SORBS2: variants seen among roughly 807,000 people sequenced by gnomAD.
The protein encoded by SORBS2 is sorbin and SH3 domain containing 2.
A neutral mutation model predicts 97.7 loss-of-function variants in SORBS2; 46 were observed. That is an observed-to-expected ratio of 0.47 (90% CI 0.37 to 0.60). The LOEUF is 0.60. Among genes scored for constraint, SORBS2 ranks in the 20% least tolerant of loss-of-function variants. SORBS2 has a pLI of 0.00. For synonymous variants in SORBS2, 476 were observed against 473.4 expected (o/e 1.01, Z -0.07); for missense variants, 1,316 against 1,282.3 (o/e 1.03, Z -0.40).
intron 2 of SORBS2, among the ~76,000 whole-genome samples, chr4:185,679,438 T>C (rs1018601590): frequency 6.6e-6 from 1 of 152,210 alleles, no homozygotes; most frequent in African/African-American, 2.4e-5. Flanking sequence ...CTGTGGAAAA[T>C]AAATTTCAGG....
chr4:185,861,133 T>G (rs1316196390), intron 1 of SORBS2, among the ~76,000 whole-genome samples: 2 of 152,114 alleles, frequency 1.3e-5, no homozygotes, highest in African/African-American at 4.8e-5. Context: ...ACAGTCTGTT[T>G]TGTCGGCAGA....
intron 2 of SORBS2, among the ~76,000 whole-genome samples, chr4:185,683,608 T>C (rs1328895959): frequency 1.3e-5 from 2 of 151,256 alleles, no homozygotes; most frequent in Non-Finnish European, 3.0e-5. Flanking sequence ...TGTATAGAGA[T>C]TTTTTTTTAA....
intron 4 of SORBS2, among the ~76,000 whole-genome samples, chr4:185,630,859 T>TG (rs2096895189): frequency 6.6e-6 from 1 of 152,070 alleles, no homozygotes; most frequent in African/African-American, 2.4e-5. Flanking sequence ...AAGCATTGCA[T>TG]GGGGGGAAAT....
intron 1 of SORBS2, among the ~76,000 whole-genome samples, chr4:185,870,596 G>A (rs930087674): frequency 1.3e-5 from 2 of 152,232 alleles, no homozygotes; most frequent in Non-Finnish European, 2.9e-5. Flanking sequence ...CACGTTGGAC[G>A]GATGCTGCGC....
rs569683804 is a variant in SORBS2, at chr4:185,898,981, A to T, written c.-338+57215T>A. Among the ~76,000 whole-genome samples the T allele has an allele frequency of 2.6e-5, 4 of 152,284 alleles. No homozygotes were observed. The South Asian group carries it at 8.3e-4, about 32-fold the overall frequency. On this transcript the variant is annotated intron_variant, in intron 1 of 20. Transcript: ENST00000284776. ...AAACCTATCATGCTTTGGTTCAATG[A>T]GAGATTTTTTTTTTTAAGCTCATAC...
In SORBS2 at chr4:185,611,653, A is replaced by C. The variant is rs941065159; in HGVS notation, c.2796+127T>G. ...CTGATGTGGCACTCACACATGTAGA[A>C]ACATAATATGTAAATCTCTTTCTCT... On this transcript the variant is annotated intron_variant, in intron 12 of 14. Transcript: ENST00000418609. 4 of 695,472 alleles carry C rather than the reference A, an allele frequency of 5.8e-6. No individual in the cohort carries two copies. The African/African-American group carries it at 7.1e-5, about 12-fold the overall frequency. 43.1% of individuals were successfully genotyped at this position (695,472 alleles called of 1,614,324 possible).
intron 1 of SORBS2, among the ~76,000 whole-genome samples, chr4:185,792,960 A>G (rs2099087849): frequency 6.6e-6 from 1 of 152,206 alleles, no homozygotes; most frequent in East Asian, 1.9e-4. Context: ...CTTCTGTAAA[A>G]TGAGAATAAT....
intron 1 of SORBS2, among the ~76,000 whole-genome samples, chr4:185,849,979 C>A (rs570879159): frequency 6.6e-6 from 1 of 152,168 alleles, no homozygotes; most frequent in Non-Finnish European, 1.5e-5. Context: ...TTCTACGTTG[C>A]GTTTTGATCC....
chr4:185,940,472 G>T (rs935146677), intron 1 of SORBS2, among the ~76,000 whole-genome samples: 24 of 152,084 alleles, frequency 1.6e-4, no homozygotes, highest in Non-Finnish European at 3.4e-4. Flanking sequence ...ACCTCTGACT[G>T]CTCCTGTCCA....
At chr4:185,670,320 C>G (rs1250887740) in intron 4 of SORBS2, among the ~76,000 whole-genome samples, 1 of 152,108 alleles carries the variant, frequency 6.6e-6, no homozygotes, top group Non-Finnish European at 1.5e-5. Flanking sequence ...CAAAAAAATT[C>G]TAATGACTTA....
chr4:185,807,463 C>T lies in SORBS2; in HGVS notation c.-337-32097G>A, dbSNP rs115451219. 7.6e-3 allele frequency among the ~76,000 whole-genome samples: 1,161 copies of T among 152,248 alleles called. 22 individuals carry two copies. The highest frequency in any genetic ancestry group is 0.026 in the African/African-American group (1,095 of 41,548). On this transcript the variant is annotated intron_variant, in intron 1 of 20. Transcript: ENST00000284776. ...ACCACTGCTTTTTTGGCCAAAATTC[C>T]TACTTGGTAAACTAGTATATTTCCG...
Position 185,740,847 on chromosome 4 carries a change from A to G in SORBS2, c.-198+34380T>C, listed in dbSNP as rs72496329. Among the ~76,000 whole-genome samples the G allele has an allele frequency of 4.5e-3, 682 of 152,132 alleles. 33 individuals are homozygous for G. In the East Asian group the frequency reaches 0.11, roughly 26 times the overall value. On this transcript the variant is annotated intron_variant, in intron 2 of 20. Transcript: ENST00000284776. ...CCAGCACTAACTCAGCCCAGCACCA[A>G]CTCAGATCAGCACCAACTCGAACCA...
chr4:185,792,800 T>C (rs1015858490), intron 1 of SORBS2, among the ~76,000 whole-genome samples: 2 of 152,216 alleles, frequency 1.3e-5, no homozygotes, highest in African/African-American at 4.8e-5. Flanking sequence ...TAACATTTTC[T>C]TTTGGCTGAT....
At chr4:185,700,189 C>T (rs2098240102) in intron 2 of SORBS2, among the ~76,000 whole-genome samples, 1 of 152,170 alleles carries the variant, frequency 6.6e-6, no homozygotes, top group Admixed American at 6.5e-5. Context: ...GGCTTTAATG[C>T]AATTGTTGAA....
intron 4 of SORBS2, among the ~76,000 whole-genome samples, chr4:185,634,114 A>G (rs2096953777): frequency 6.6e-6 from 1 of 152,140 alleles, no homozygotes; most frequent in Non-Finnish European, 1.5e-5. Context: ...TGATTACTCT[A>G]TTTTACCTTT....
rs190714976 is a variant in SORBS2 at position 185,844,187 on chromosome 4, C to A, written c.-337-68821G>T. On this transcript the variant is annotated intron_variant, in intron 1 of 20. Transcript: ENST00000284776. ...AATGAACACTGATAAATACACTGGACCCTATACAAAAAGATTAACTTGGAA... is the reference window on the plus strand; with the variant it reads ...AATGAACACTGATAAATACACTGGAACCTATACAAAAAGATTAACTTGGAA... Among the ~76,000 whole-genome samples the A allele has an allele frequency of 1.8e-3, 269 of 152,194 alleles. 2 individuals carry two copies. Among genetic ancestry groups the A allele is most frequent in the African/African-American group, 6.1e-3 (253 of 41,508 alleles).
At chr4:185,661,362 A>G (rs547397255), upstream of SORBS2, among the ~76,000 whole-genome samples, 2 of 152,246 alleles carry the variant, frequency 1.3e-5, no homozygotes, top group South Asian at 2.1e-4. Flanking sequence ...ATCACTGTAC[A>G]GCAAAGCTTC....
intron 1 of SORBS2, among the ~76,000 whole-genome samples, chr4:185,796,920 G>A (rs1479233857): frequency 6.9e-6 from 1 of 145,364 alleles, no homozygotes; most frequent in Non-Finnish European, 1.5e-5. Context: ...CTGTGGCCAC[G>A]CTGTTCCCTG....
At position 185,832,762 on chromosome 4, in the gene SORBS2, G is replaced by A. The variant is rs191463256; in HGVS notation, c.-337-57396C>T. Among the ~76,000 whole-genome samples, 32 of 152,212 alleles carry A rather than the reference G, an allele frequency of 2.1e-4. No individual in the cohort carries two copies. The East Asian group carries it at 4.8e-3, about 23-fold the overall frequency. On this transcript the variant is annotated intron_variant, in intron 1 of 20. Coordinates refer to the SORBS2 transcript ENST00000284776. ...AACCTTCCTTGTAATAATTCAATTT[G>A]CTCAAAGTTCTCCTGTGGAAAAAAG...
Sources: allele counts gnomAD v4.1 joint callset (sites outside exome capture counted in the v4.1 genomes callset), GRCh38; gene constraint gnomAD v4.1.1; transcripts MANE v1.5; gene names NCBI Gene and HGNC (gene_info 2026-07-23, HGNC 2026-07-21).